GPC5: variants seen among roughly 807,000 people sequenced by gnomAD.
GPC5 encodes the protein glypican 5.
In GPC5, 47 loss-of-function variants were observed where a neutral mutation model predicts 53.9. That is an observed-to-expected ratio of 0.87 (90% confidence interval 0.69 to 1.11). The LOEUF (loss-of-function observed/expected upper bound fraction) is 1.11, where lower values mean the gene tolerates loss of function less well. Ranked by LOEUF, GPC5 falls within the 50% of genes most tolerant of loss-of-function variation. GPC5 has a pLI of 0.00. For missense variants in GPC5, 748 were observed against 713.1 expected (o/e 1.05, Z -0.56); for synonymous variants, 286 against 263.3 (o/e 1.09, Z -0.84).
At chr13:92,841,103 C>G (rs1339011774) in intron 7 of GPC5, among the ~76,000 whole-genome samples, 2 of 152,182 alleles carry the variant, frequency 1.3e-5, no homozygotes, top group East Asian at 3.9e-4. Flanking sequence ...CCCTTTTACT[C>G]TGGCCCAATT....
intron 7 of GPC5, among the ~76,000 whole-genome samples, chr13:92,779,307 AC>A (rs546100147): frequency 2.4e-4 from 37 of 152,196 alleles, no homozygotes; most frequent in African/African-American, 8.9e-4. Context: ...CTCCCACAAC[AC>A]ATGGGAATTG....
At chr13:92,780,721 C>A (rs980568012) in intron 7 of GPC5, among the ~76,000 whole-genome samples, 2 of 151,864 alleles carry the variant, frequency 1.3e-5, no homozygotes, top group Admixed American at 6.6e-5. Context: ...CTTTAAATAA[C>A]AGCAATAAAA....
chr13:91,755,371 TCCTTCTTCTGCC>T (rs1428639407), intron 4 of GPC5, among the ~76,000 whole-genome samples: 1 of 152,132 alleles, frequency 6.6e-6, no homozygotes, highest in Non-Finnish European at 1.5e-5. Context: ...TTCCAACATT[TCCTTCTTCTGCC>T]CCTTCCTTCT....
At chr13:92,571,974 G>A (rs1383867324) in intron 7 of GPC5, among the ~76,000 whole-genome samples, 1 of 152,082 alleles carries the variant, frequency 6.6e-6, no homozygotes, top group Non-Finnish European at 1.5e-5. Flanking sequence ...GGTCAAGGCT[G>A]CAGTGAGAAA....
At chr13:91,530,786 A>G (rs1382891379) in intron 2 of GPC5, among the ~76,000 whole-genome samples, 1 of 152,216 alleles carries the variant, frequency 6.6e-6, no homozygotes, top group Non-Finnish European at 1.5e-5. Flanking sequence ...AGTAAAAGTA[A>G]ACTTTGCAGC....
chr13:91,434,203 TA>T (rs1213230696), intron 1 of GPC5, among the ~76,000 whole-genome samples: 1 of 152,224 alleles, frequency 6.6e-6, no homozygotes, highest in Non-Finnish European at 1.5e-5. Flanking sequence ...CTCTTTAGTT[TA>T]ATTAGATCCC....
intron 7 of GPC5, among the ~76,000 whole-genome samples, chr13:92,362,288 A>C (rs1040591042): frequency 1.3e-5 from 2 of 151,756 alleles, no homozygotes; most frequent in Non-Finnish European, 2.9e-5. Context: ...TCCATGGATA[A>C]AGAAGCTGGT....
At chr13:92,533,024 T>C (rs981169469) in intron 7 of GPC5, among the ~76,000 whole-genome samples, 2 of 152,288 alleles carry the variant, frequency 1.3e-5, no homozygotes, top group Non-Finnish European at 2.9e-5. Flanking sequence ...AATTACAGAA[T>C]AATTATTATT....
At chr13:92,212,551 T>A (rs143570273) in intron 7 of GPC5, among the ~76,000 whole-genome samples, 5 of 152,334 alleles carry the variant, frequency 3.3e-5, no homozygotes, top group African/African-American at 1.2e-4. Context: ...TCTTCTTACA[T>A]GTTTAAATTA....
chr13:92,707,026 C>T lies in GPC5; in HGVS notation c.1562-159256C>T, dbSNP rs564312364. On this transcript the variant is annotated intron_variant, in intron 7 of 7. Transcript: ENST00000377067. ...CCAAGGAAAGGCCATGAGAAGGACA[C>T]GGCCAGGAAGAAGACCCTCACCAAT... 2.6e-5 allele frequency among the ~76,000 whole-genome samples: 4 copies of T among 152,216 alleles called. No homozygotes were observed. The East Asian group carries it at 7.8e-4, about 30-fold the overall frequency.
chr13:92,260,855 T>C (rs1341643104), intron 7 of GPC5, among the ~76,000 whole-genome samples: 3 of 152,212 alleles, frequency 2.0e-5, no homozygotes, highest in Non-Finnish European at 4.4e-5. Context: ...CTCTTGACTT[T>C]AGATGTGCTC....
chr13:91,832,276 A>G (rs915674443), intron 5 of GPC5, among the ~76,000 whole-genome samples: 1 of 148,290 alleles, frequency 6.7e-6, no homozygotes, highest in African/African-American at 2.5e-5. Context: ...ATCAGAGGCT[A>G]GGATTGCAAC....
chr13:92,363,930 G>A (rs561123675), intron 7 of GPC5, among the ~76,000 whole-genome samples: 29 of 151,818 alleles, frequency 1.9e-4, no homozygotes, highest in African/African-American at 5.8e-4. Context: ...CAAGAATGCC[G>A]AAACAGTGAT....
At chr13:92,659,166 G>A (rs1402031564) in intron 7 of GPC5, 2 of 151,374 alleles carry the variant, frequency 1.3e-5, no homozygotes, top group African/African-American at 2.4e-5. Context: ...CTGACCTCGT[G>A]ATCCGCCCGC....
chr13:92,381,950 C>CATATA (rs2043750909), intron 7 of GPC5, among the ~76,000 whole-genome samples: 1 of 102,354 alleles, frequency 9.8e-6, no homozygotes, highest in African/African-American at 3.8e-5. Context: ...GAAATAATAT[C>CATATA]TATGTATGTA....
chr13:92,300,233 A>G (rs9589492), intron 7 of GPC5, among the ~76,000 whole-genome samples: 34,413 of 152,020 alleles, frequency 0.23, 4,078 homozygotes, highest in South Asian at 0.35. Context: ...CTAAAGACCT[A>G]CATTGCAAAA....
intron 7 of GPC5, among the ~76,000 whole-genome samples, chr13:92,429,402 C>T (rs370318651): frequency 1.5e-4 from 23 of 151,550 alleles, no homozygotes; most frequent in African/African-American, 5.3e-4. Flanking sequence ...TAATAATACA[C>T]AAAATATTAA....
chr13:92,479,323 A>C (rs1218709020), intron 7 of GPC5, among the ~76,000 whole-genome samples: 1 of 152,220 alleles, frequency 6.6e-6, no homozygotes, highest in African/African-American at 2.4e-5. Context: ...TTCTGAAACC[A>C]GGAGAAGAAA....
chr13:92,838,647 T>A (rs1320157954), intron 7 of GPC5, among the ~76,000 whole-genome samples: 1 of 152,094 alleles, frequency 6.6e-6, no homozygotes, highest in Non-Finnish European at 1.5e-5. Context: ...GACCCACAGA[T>A]GATCTTTACA....
Sources: allele counts gnomAD v4.1 joint callset (sites outside exome capture counted in the v4.1 genomes callset), GRCh38; gene constraint gnomAD v4.1.1; transcripts MANE v1.5; gene names NCBI Gene and HGNC (gene_info 2026-07-23, HGNC 2026-07-21).